PDE4B: variants seen among roughly 807,000 people sequenced by gnomAD.
PDE4B encodes the protein phosphodiesterase 4B.
A neutral mutation model predicts 82.2 loss-of-function variants in PDE4B; 20 were observed. That is an observed-to-expected ratio of 0.24 (90% CI 0.17 to 0.35). PDE4B has a LOEUF of 0.35. Among genes scored for constraint, PDE4B ranks in the 10% least tolerant of loss-of-function variants. PDE4B has a pLI of 1.00. For missense variants in PDE4B, 655 were observed against 907.2 expected, an observed-to-expected ratio of 0.72 and a Z score of 3.57; for synonymous variants, 320 against 318.9, an observed-to-expected ratio of 1.00 and a Z score of -0.04.
At chr1:65,829,088 A>G (rs1646051887) in intron 1 of PDE4B, among the ~76,000 whole-genome samples, 1 of 152,166 alleles carries the variant, frequency 6.6e-6, no homozygotes, top group Non-Finnish European at 1.5e-5. Context: ...TTAAATATAA[A>G]GAATTATATA....
intron 3 of PDE4B, among the ~76,000 whole-genome samples, chr1:66,077,736 T>C (rs1050913039): frequency 1.3e-5 from 2 of 152,186 alleles, no homozygotes; most frequent in Non-Finnish European, 2.9e-5. Context: ...TGTGAAGAAC[T>C]TGGGTTCTCA....
chr1:66,158,573 A>T (rs1646547458), intron 3 of PDE4B, among the ~76,000 whole-genome samples: 1 of 152,200 alleles, frequency 6.6e-6, no homozygotes. Flanking sequence ...GTACCATATT[A>T]TCCAGCAATC....
chr1:66,253,637 G>A (rs1377920070), intron 4 of PDE4B, among the ~76,000 whole-genome samples: 1 of 152,186 alleles, frequency 6.6e-6, no homozygotes, highest in Non-Finnish European at 1.5e-5. Flanking sequence ...TAATTTCTAT[G>A]CCATTTGATT....
At position 66,020,255 on chromosome 1, in the gene PDE4B, T is replaced by C. The variant is rs185271206; in HGVS notation, c.281+101420T>C. On this transcript the variant is annotated intron_variant, in intron 3 of 16. Transcript: ENST00000341517. ...TTAAGGCAGGTGTCTGGCATAAAAATAGTGAACGTTAGGAAGGTAGGATTC... is the reference window on the plus strand; with the variant it reads ...TTAAGGCAGGTGTCTGGCATAAAAACAGTGAACGTTAGGAAGGTAGGATTC... 6.1e-4 allele frequency among the ~76,000 whole-genome samples: 93 copies of C among 152,192 alleles called. No individual in the cohort carries two copies. The Middle Eastern group carries it at 0.014, about 22-fold the overall frequency.
intron 3 of PDE4B, among the ~76,000 whole-genome samples, chr1:65,947,053 A>G (rs1648749540): frequency 1.3e-5 from 2 of 151,964 alleles, no homozygotes; most frequent in Admixed American, 6.6e-5. Context: ...CATCCAGAAT[A>G]CTTGCCACTT....
intron 3 of PDE4B, among the ~76,000 whole-genome samples, chr1:66,238,479 G>C (rs1448146646): frequency 6.6e-6 from 1 of 152,202 alleles, no homozygotes. Flanking sequence ...AGAAGGTTTG[G>C]AGGGTGGAGT....
intron 1 of PDE4B, among the ~76,000 whole-genome samples, chr1:65,890,768 A>G (rs1293170044): frequency 1.3e-5 from 2 of 152,024 alleles, no homozygotes; most frequent in Admixed American, 6.6e-5. Flanking sequence ...GAATATTTAC[A>G]TATGTTTTGC....
chr1:66,086,175 C>T (rs986740665), intron 3 of PDE4B, among the ~76,000 whole-genome samples: 20 of 152,174 alleles, frequency 1.3e-4, no homozygotes, highest in East Asian at 3.9e-4. Flanking sequence ...TGAAAAACAC[C>T]CCATCCCATG....
At chr1:66,075,528 T>C (rs1273418956) in intron 3 of PDE4B, among the ~76,000 whole-genome samples, 2 of 152,142 alleles carry the variant, frequency 1.3e-5, no homozygotes, top group South Asian at 2.1e-4. Flanking sequence ...GATTTAGCAA[T>C]ATTCTGTTTG....
intron 7 of PDE4B, among the ~76,000 whole-genome samples, chr1:66,322,671 G>C (rs1414177531): frequency 6.6e-6 from 1 of 151,934 alleles, no homozygotes; most frequent in African/African-American, 2.4e-5. Flanking sequence ...ACATGCTGGA[G>C]AGGATGTGGA....
At chr1:66,316,348 G>T (rs574584015) in intron 7 of PDE4B, among the ~76,000 whole-genome samples, 7 of 152,166 alleles carry the variant, frequency 4.6e-5, no homozygotes, top group Admixed American at 3.3e-4. Context: ...TATGGTAAAT[G>T]CCAGAAGAAC....
chr1:65,917,894 T>A (rs1467894356), intron 2 of PDE4B, among the ~76,000 whole-genome samples: 2 of 152,244 alleles, frequency 1.3e-5, no homozygotes, highest in African/African-American at 4.8e-5. Context: ...CTAGGCGTAG[T>A]GGCTCATGCC....
chr1:66,357,145 A>G (rs11208838), intron 9 of PDE4B, among the ~76,000 whole-genome samples: 4,520 of 152,236 alleles, frequency 0.03, 134 homozygotes, highest in South Asian at 0.085. Flanking sequence ...TTGTCTTCAT[A>G]AGCATTGCAT....
At chr1:66,343,353 G>A (rs1302542177) in intron 8 of PDE4B, among the ~76,000 whole-genome samples, 3 of 152,144 alleles carry the variant, frequency 2.0e-5, no homozygotes, top group African/African-American at 7.2e-5. Context: ...CCATTGACTA[G>A]AAAACTTCCC....
chr1:66,189,703 T>C (rs1375361249), intron 3 of PDE4B, among the ~76,000 whole-genome samples: 3 of 152,242 alleles, frequency 2.0e-5, no homozygotes, highest in African/African-American at 4.8e-5. Flanking sequence ...TAAGGACTTC[T>C]CTGCATTGGT....
intron 1 of PDE4B, among the ~76,000 whole-genome samples, chr1:65,893,487 A>C (rs932634473): frequency 1.5e-4 from 23 of 152,110 alleles, no homozygotes; most frequent in Non-Finnish European, 2.8e-4. Context: ...GCCATAATTA[A>C]AAAAGAAAGA....
At chr1:66,089,508 A>T (rs1403058403) in intron 3 of PDE4B, among the ~76,000 whole-genome samples, 1 of 152,074 alleles carries the variant, frequency 6.6e-6, no homozygotes, top group African/African-American at 2.4e-5. Context: ...CACATTTATT[A>T]ATGGCTGTCT....
intron 3 of PDE4B, among the ~76,000 whole-genome samples, chr1:66,240,178 G>A (rs576603829): frequency 8.5e-5 from 13 of 152,272 alleles, no homozygotes; most frequent in Non-Finnish European, 1.9e-4. Context: ...ATCACCCACA[G>A]TCAGTCTTGT....
intron 3 of PDE4B, among the ~76,000 whole-genome samples, chr1:66,113,559 A>G (rs1645532441): frequency 6.6e-6 from 1 of 152,220 alleles, no homozygotes; most frequent in Non-Finnish European, 1.5e-5. Context: ...ATAAACATGA[A>G]TAAGAAAATC....
Sources: allele counts gnomAD v4.1 joint callset (sites outside exome capture counted in the v4.1 genomes callset), GRCh38; gene constraint gnomAD v4.1.1; transcripts MANE v1.5; gene names NCBI Gene and HGNC (gene_info 2026-07-23, HGNC 2026-07-21).